MTMR4: variants seen among roughly 807,000 people sequenced by gnomAD.
The protein encoded by MTMR4 is phosphatidylinositol-3,5-bisphosphate 3-phosphatase MTMR4.
Under a neutral mutation model 125.5 loss-of-function variants are expected in MTMR4, and 30 were observed. That is an observed-to-expected ratio of 0.24 (90% CI 0.18 to 0.32). The LOEUF is 0.32. MTMR4 is among the 10% of genes least tolerant of loss of function. The probability of loss-of-function intolerance (pLI) is 1.00; values close to 1 mark genes in which losing one functional copy is unlikely to be tolerated. For synonymous variants in MTMR4, 498 were observed against 564.5 expected, an observed-to-expected ratio of 0.88 and a Z score of 1.67; for missense variants, 1,039 against 1,511.5, an observed-to-expected ratio of 0.69 and a Z score of 5.18.
chr17:58,493,347 A>G (rs1975364867), intron 15 of MTMR4, among the ~76,000 whole-genome samples: 1 of 152,216 alleles, frequency 6.6e-6, no homozygotes, highest in Non-Finnish European at 1.5e-5. Context: ...CTTACTGTCT[A>G]TGGCTGCTTT....
rs767467384 is a variant in MTMR4 at position 58,508,494 on chromosome 17, T to C, written c.567A>G (p.Arg189=). 5.8e-5 allele frequency: 94 copies of C among 1,614,048 alleles called. No individual in the cohort carries two copies. The highest frequency in any genetic ancestry group is 7.7e-5 in the Non-Finnish European group (91 of 1,180,028). The change falls in exon 6 of 18, where the codon AGA becomes AGG. Residue 189 remains arginine (R), a synonymous_variant. Transcript: ENST00000682306. The surrounding 1 kb of genome is among the most constrained non-coding windows in gnomAD (Gnocchi z 4.8). The part of the protein sequence containing the change: ...RMGFDLQNVW[R]VSHINSNYKL... ...TGTAGTTGCTGTTGATGTGTGAGAC[T>C]CTCCAGACGTTCTGCAGGTCAAAGC...
intron 14 of MTMR4, among the ~76,000 whole-genome samples, chr17:58,502,332 AT>A (rs1975665050): frequency 6.6e-6 from 1 of 151,758 alleles, no homozygotes; most frequent in Non-Finnish European, 1.5e-5. Context: ...TAATTTTTGT[AT>A]TTTTAGTAGA....
intron 14 of MTMR4, among the ~76,000 whole-genome samples, chr17:58,502,018 C>A (rs1320623520): frequency 2.6e-5 from 4 of 151,198 alleles, no homozygotes; most frequent in African/African-American, 9.7e-5. Context: ...GAGATTGTGC[C>A]ACTGCAGTCC....
chr17:58,513,280 G>A (rs1975984959), intron 1 of MTMR4, among the ~76,000 whole-genome samples: 1 of 152,168 alleles, frequency 6.6e-6, no homozygotes, highest in African/African-American at 2.4e-5. Flanking sequence ...CCCGCATAAG[G>A]GTAAGGCAGG....
At position 58,504,096 on chromosome 17, in the gene MTMR4, C is replaced by G. The variant is rs761952803; in HGVS notation, c.1652G>C (p.Gly551Ala). ...TCSVWALLRA[G>A]NKNFHNFLYT... ...GAGGAAGTTATGAAAGTTTTTATTGCCAGCTCGAAGGAGCGCCCACACAGA... is the reference window on the plus strand; with the variant it reads ...GAGGAAGTTATGAAAGTTTTTATTGGCAGCTCGAAGGAGCGCCCACACAGA... Residue 551 changes from glycine (G) to alanine (A), a missense_variant, in exon 13 of 18, where the codon GGC (glycine) becomes GCC (alanine). By Grantham distance (60) the Gly-to-Ala change is moderately conservative. Transcript: ENST00000682306. This position sits in a 1 kb window ranked among gnomAD's most constrained non-coding sequence, Gnocchi z 7.1. The G allele has an allele frequency of 6.3e-7, 1 of 1,586,472 alleles. No individual in the cohort carries two copies. The highest frequency in any genetic ancestry group is 8.6e-7 in the Non-Finnish European group (1 of 1,168,202).
intron 8 of MTMR4, 57 bp from the exon 9 acceptor site, chr17:58,506,928 G>A: frequency 6.3e-7 from 1 of 1,586,256 alleles, no homozygotes. Context: ...CCTCTTGCTG[G>A]CCCTCTGGCA....
chr17:58,492,001 T>C (rs981798261), intron 17 of MTMR4, among the ~76,000 whole-genome samples, 161 bp from the exon 18 acceptor site: 1 of 151,978 alleles, frequency 6.6e-6, no homozygotes, highest in Non-Finnish European at 1.5e-5. Context: ...CAAGAGCCCA[T>C]CGCTAATAAA....
chr17:58,518,298 G>A (rs1356213488), upstream of MTMR4, among the ~76,000 whole-genome samples: 2 of 152,176 alleles, frequency 1.3e-5, no homozygotes, highest in Non-Finnish European at 2.9e-5. Context: ...TTCCGGTGAT[G>A]GCCCCGCCCA....
rs987450511 is a variant in MTMR4, at chr17:58,504,345, A to C, written c.1485T>G (p.Leu495=). The C allele has an allele frequency of 1.9e-6, 3 of 1,614,032 alleles. No homozygotes were observed. Among genetic ancestry groups the C allele is most frequent in the Non-Finnish European group, 2.5e-6 (3 of 1,180,044 alleles). The part of the protein sequence containing the change: ...LQWLDSVHQL[L]KQFPCLFEFN... The stretch of plus-strand genomic sequence containing the variant: ...ATTCAAACAGGCAGGGGAACTGCTT[A>C]AGCAACTGATGAACAGAATCAAGCC... Residue 495 remains leucine (L), a synonymous_variant, in exon 12 of 18, where the codon CTT becomes CTG. Coordinates refer to ENST00000682306, the MANE Select transcript of MTMR4 (RefSeq NM_001378067.1). This position sits in a 1 kb window ranked among gnomAD's most constrained non-coding sequence, Gnocchi z 7.1.
chr17:58,512,349 G>A lies in MTMR4; in HGVS notation c.252+41C>T. Reference sequence around the variant, plus strand: ...AACAATCCCACCTTGAACTTCATAGGGATTCTAGCTTAGGGGTAGGAGAAC... The same window carrying A: ...AACAATCCCACCTTGAACTTCATAGAGATTCTAGCTTAGGGGTAGGAGAAC... On this transcript the variant is annotated intron_variant, in intron 3 of 17. Transcript: ENST00000682306. The surrounding 1 kb of genome is among the most constrained non-coding windows in gnomAD (Gnocchi z 4.1). 1 of 1,499,946 alleles carries A rather than the reference G, an allele frequency of 6.7e-7. No individual in the cohort carries two copies. The highest frequency in any genetic ancestry group is 9.3e-7 in the Non-Finnish European group (1 of 1,076,400). 92.9% of individuals were successfully genotyped at this position (1,499,946 alleles called of 1,614,324 possible).
At position 58,504,290 on chromosome 17, in the gene MTMR4, C is replaced by A. The variant is rs4277402; in HGVS notation, c.1527+13G>T. ...TTCCCCCCATCCCTGTTGTCACAGGCCTTAGGACTTACCAGGAATGCTTCA... is the reference window on the plus strand; with the variant it reads ...TTCCCCCCATCCCTGTTGTCACAGGACTTAGGACTTACCAGGAATGCTTCA... On this transcript the variant is annotated intron_variant, in intron 12 of 17. Coordinates refer to ENST00000682306, the MANE Select transcript of MTMR4 (RefSeq NM_001378067.1). The surrounding 1 kb of genome is among the most constrained non-coding windows in gnomAD (Gnocchi z 7.1). The A allele has an allele frequency of 6.2e-7, 1 of 1,612,778 alleles. No homozygotes were observed. The highest frequency in any genetic ancestry group is 2.2e-5 in the East Asian group (1 of 44,804).
intron 14 of MTMR4, among the ~76,000 whole-genome samples, chr17:58,497,851 C>CT (rs77095963): frequency 0.37 from 56,804 of 151,834 alleles, 10,868 homozygotes; most frequent in East Asian, 0.51. Flanking sequence ...AGAGTGGGGC[C>CT]TAGGGATCTG....
intron 14 of MTMR4, among the ~76,000 whole-genome samples, chr17:58,496,973 T>G (rs1303562304): frequency 6.6e-6 from 1 of 152,216 alleles, no homozygotes; most frequent in East Asian, 1.9e-4. Context: ...GATAACCACT[T>G]AGCAGCAGTG....
At chr17:58,516,765 G>T, upstream of MTMR4, 1 of 707,466 alleles carries the variant, frequency 1.4e-6, no homozygotes, top group East Asian at 2.6e-5. Context: ...AAGTCACCAT[G>T]CCAGAGAGAG....
At position 58,490,202 on chromosome 17, in the gene MTMR4, A is replaced by G. The variant is rs773623812; in HGVS notation, c.*1461T>C. Reference sequence around the variant, plus strand: ...TTCTAGAAAGCAACATGAAAGTAGCAGTAAGAAAGATGACTACCATCATTT... The same window carrying G: ...TTCTAGAAAGCAACATGAAAGTAGCGGTAAGAAAGATGACTACCATCATTT... On this transcript the variant is annotated 3_prime_UTR_variant, in exon 18 of 18. Transcript: ENST00000682306. 6.6e-6 allele frequency: 1 copy of G among 152,470 alleles called. No individual in the cohort carries two copies. Among genetic ancestry groups the G allele is most frequent in the Non-Finnish European group, 1.5e-5 (1 of 68,050 alleles). The allele number at this position is 152,470 out of a possible 1,614,324, so 9.4% of individuals were successfully genotyped here.
At chr17:58,499,708 G>A (rs1379147133) in intron 14 of MTMR4, among the ~76,000 whole-genome samples, 3 of 150,116 alleles carry the variant, frequency 2.0e-5, no homozygotes, top group South Asian at 2.1e-4. Context: ...TGCAAACTCC[G>A]CCTTCCCAGG....
chr17:58,509,294 C>T (rs1975863441), intron 4 of MTMR4, among the ~76,000 whole-genome samples: 1 of 151,502 alleles, frequency 6.6e-6, no homozygotes, highest in African/African-American at 2.4e-5. Context: ...CTAGCCACAT[C>T]CTACTGATGC....
intron 14 of MTMR4, among the ~76,000 whole-genome samples, chr17:58,501,699 T>C (rs1345656195): frequency 6.6e-6 from 1 of 151,766 alleles, no homozygotes; most frequent in Non-Finnish European, 1.5e-5. Flanking sequence ...TATATATGTA[T>C]ATATATCCTT....
chr17:58,506,363 A>C (rs937310854), intron 9 of MTMR4, among the ~76,000 whole-genome samples: 3 of 152,008 alleles, frequency 2.0e-5, no homozygotes, highest in Non-Finnish European at 4.4e-5. Context: ...AATGGTTTGT[A>C]TTTTTGATAG....
Sources: gnomAD v4.1 joint callset for allele counts (sites outside exome capture counted in the v4.1 genomes callset) on GRCh38, gnomAD v4.1.1 for gene constraint, Gnocchi (gnomAD v3.1) non-coding constraint, MANE v1.5 for transcripts, NCBI Gene and HGNC (gene_info 2026-07-23, HGNC 2026-07-21) for gene names.